The following PIAS3 variants were observed in gnomAD, a reference collection of about 807,000 sequenced individuals.
PIAS3 encodes the protein E3 SUMO-protein ligase PIAS3.
PIAS3 carries 34 observed loss-of-function variants against 67.6 expected under a neutral mutation model. That is an observed-to-expected ratio of 0.50 (90% CI 0.38 to 0.67). PIAS3 has a LOEUF of 0.67. Among genes scored for constraint, PIAS3 ranks in the 30% least tolerant of loss-of-function variants. The probability of loss-of-function intolerance (pLI) is 0.00; values close to 1 mark genes in which losing one functional copy is unlikely to be tolerated. For missense variants in PIAS3, 693 were observed against 791.6 expected (o/e 0.88, Z 1.49); for synonymous variants, 341 against 313.8 (o/e 1.09, Z -0.92).
chr1:145,855,910 T>C, intron 4 of PIAS3, 84 bp from the exon 5 acceptor site: 1 of 1,097,316 alleles, frequency 9.1e-7, no homozygotes, highest in South Asian at 1.2e-5. Flanking sequence ...CCCCAGAAAA[T>C]CAGTCATAGA....
Position 145,851,422 on chromosome 1 carries a change from C to T in PIAS3, c.1146-269G>A, listed in dbSNP as rs111732776. 2,132 of 355,962 alleles carry T rather than the reference C, an allele frequency of 6.0e-3. 40 individuals are homozygous for T. The highest frequency in any genetic ancestry group is 0.033 in the South Asian group (869 of 26,088). The allele number at this position is 355,962 out of a possible 1,614,324, so 22.1% of individuals were successfully genotyped here. ...TTTAATCCCAGCACTTTGGGAGGTA[C>T]AGGCAGGTGAATCACTTGAGGCTGG... On this transcript the variant is annotated intron_variant, in intron 9 of 13. Coordinates refer to ENST00000393045, the MANE Select transcript of PIAS3 (RefSeq NM_006099.3).
chr1:145,854,356 G>GT (rs1278876953), intron 7 of PIAS3, 102 bp downstream of exon 7: 8 of 782,314 alleles, frequency 1.0e-5, no homozygotes, highest in Non-Finnish European at 1.5e-5. Flanking sequence ...GAGAAGGGGA[G>GT]TAAGTTGTCA....
At chr1:145,857,562 T>C (rs910894715) in intron 1 of PIAS3, 13 of 156,390 alleles carry the variant, frequency 8.3e-5, no homozygotes, top group African/African-American at 3.1e-4. Flanking sequence ...ACCTCAGCTA[T>C]TTCCCCCAAG....
At chr1:145,852,692 G>T (rs782507602) in intron 9 of PIAS3, among the ~76,000 whole-genome samples, 4 of 152,172 alleles carry the variant, frequency 2.6e-5, no homozygotes, top group Non-Finnish European at 4.4e-5. Flanking sequence ...CTGGGTTCAA[G>T]CCATCCTCCT....
rs1653217484 is a variant in PIAS3 at position 145,857,026 on chromosome 1, A to C, written c.25-20T>G. On this transcript the variant is annotated intron_variant, in intron 1 of 13. Transcript: ENST00000393045. ...CATGTGCTGTGGAGAAAAACAGAGAAGCTTGAGCATCCTCCCTTGCACAGG... is the reference window on the plus strand; with the variant it reads ...CATGTGCTGTGGAGAAAAACAGAGACGCTTGAGCATCCTCCCTTGCACAGG... The C allele has an allele frequency of 6.2e-7, 1 of 1,609,890 alleles. No individual in the cohort carries two copies. Among genetic ancestry groups the C allele is most frequent in the African/African-American group, 1.3e-5 (1 of 74,704 alleles).
At position 145,848,534 on chromosome 1, in the gene PIAS3, C is replaced by T. The variant is rs2101674761; in HGVS notation, c.*912G>A. Reference sequence around the variant, plus strand: ...CATGACACTCACAGAACATTCACAACCTTTATTATGGGTGAGAGCTTCACT... The same window carrying T: ...CATGACACTCACAGAACATTCACAATCTTTATTATGGGTGAGAGCTTCACT... On this transcript the variant is annotated 3_prime_UTR_variant, in exon 14 of 14. Transcript: ENST00000393045. The T allele has an allele frequency of 1.7e-6, 2 of 1,190,450 alleles. No individual in the cohort carries two copies. The highest frequency in any genetic ancestry group is 1.2e-6 in the Non-Finnish European group (1 of 809,924). 73.7% of individuals were successfully genotyped at this position (1,190,450 alleles called of 1,614,324 possible).
At chr1:145,856,542 G>A (rs1031951381) in intron 2 of PIAS3, 47 bp downstream of exon 2, 1 of 1,590,754 alleles carries the variant, frequency 6.3e-7, no homozygotes, top group African/African-American at 1.3e-5. Flanking sequence ...AATGTTTGGG[G>A]AACAGGTAGG....
chr1:145,851,229 T>G (rs1652951015), intron 9 of PIAS3, 76 bp from the exon 10 acceptor site: 1 of 1,428,106 alleles, frequency 7.0e-7, no homozygotes, highest in East Asian at 2.3e-5. Flanking sequence ...GTAACTCACC[T>G]TCCTGTATCT....
At chr1:145,856,250 G>A (rs1388336340) in intron 3 of PIAS3, 97 bp downstream of exon 3, 1 of 1,228,286 alleles carries the variant, frequency 8.1e-7, no homozygotes, top group Non-Finnish European at 1.2e-6. Flanking sequence ...GAGACAAGTA[G>A]GTATAGGAGG....
At chr1:145,852,865 A>C (rs1400897594) in intron 9 of PIAS3, among the ~76,000 whole-genome samples, 1 of 152,090 alleles carries the variant, frequency 6.6e-6, no homozygotes, top group Non-Finnish European at 1.5e-5. Context: ...CAGTGTTGGA[A>C]TTACAGGTAG....
Position 145,856,847 on chromosome 1 carries a change from G to A in PIAS3, c.184C>T (p.Arg62Ter), listed in dbSNP as rs2101686051. The stretch of plus-strand genomic sequence containing the variant: ...AGGGTCTTCCGGGGAAAGCGTCGTC[G>A]GTAAAGCTCTTTGATCTTCATCTGG... ...SVQMKIKELYRRRFPRKTLGP... is the reference protein window; with the variant it reads ...SVQMKIKELY Residue 62 changes from arginine to a stop codon, truncating the protein, a stop_gained, in exon 2 of 14, where the codon CGA becomes TGA. Coordinates refer to ENST00000393045, the MANE Select transcript of PIAS3 (RefSeq NM_006099.3). LOFTEE classifies it high-confidence loss of function. 7 of 1,614,104 alleles carry A rather than the reference G, an allele frequency of 4.3e-6. No homozygotes were observed. Among genetic ancestry groups the A allele is most frequent in the East Asian group, 4.5e-5 (2 of 44,890 alleles).
At chr1:145,849,903 GCTC>G in intron 13 of PIAS3, 191 bp from the exon 14 acceptor site, 2 of 1,442,994 alleles carry the variant, frequency 1.4e-6, no homozygotes, top group South Asian at 3.1e-5. Context: ...CCTTGAGAGA[GCTC>G]CTCCAACTTG....
Position 145,849,136 on chromosome 1 carries a change from T to C in PIAS3, c.*310A>G. On this transcript the variant is annotated 3_prime_UTR_variant, in exon 14 of 14. Coordinates refer to ENST00000393045, the MANE Select transcript of PIAS3 (RefSeq NM_006099.3). ...TCTAGACATAGTCAAGGCTGAGGGT[T>C]CAGCCCTTCTCCTAGCTCACATACC... 1 of 240,002 alleles carries C rather than the reference T, an allele frequency of 4.2e-6. No individual in the cohort carries two copies. Among genetic ancestry groups the C allele is most frequent in the African/African-American group, 2.2e-5 (1 of 44,840 alleles). 14.9% of individuals were successfully genotyped at this position (240,002 alleles called of 1,614,324 possible).
chr1:145,854,961 G>C (rs138485468), intron 5 of PIAS3, 81 bp from the exon 6 acceptor site: 9 of 1,537,716 alleles, frequency 5.9e-6, no homozygotes, highest in Non-Finnish European at 8.0e-6. Context: ...ATCTTGTCTC[G>C]GGTTATTCAA....
Position 145,854,782 on chromosome 1 carries a change from GT to G in PIAS3, c.767del (p.Asn256ThrfsTer22). On this transcript the variant is annotated frameshift_variant, in exon 6 of 14. Coordinates refer to ENST00000393045, the MANE Select transcript of PIAS3 (RefSeq NM_006099.3). LOFTEE classifies it high-confidence loss of function. Reference protein sequence around the residue: ...PLARLSATVPNTIVVNWSSEF... With the variant: ...PLARLSATVPXTIVVNWSSEF... ...CAGATGACCAATTGACCACAATGGT[GT>G]TGGGAACAGTGGCTGAGAGTCGAGC... 1.2e-6 allele frequency: 2 copies of G among 1,614,220 alleles called. No individual in the cohort carries two copies. Among genetic ancestry groups the G allele is most frequent in the Non-Finnish European group, 1.7e-6 (2 of 1,180,042 alleles).
At position 145,856,841 on chromosome 1, in the gene PIAS3, G is replaced by A. The variant is rs754269109; in HGVS notation, c.190C>T (p.Arg64Cys). 3.7e-5 allele frequency: 60 copies of A among 1,614,034 alleles called. No homozygotes were observed. In the Middle Eastern group the frequency reaches 4.9e-4, roughly 13 times the overall value. The change falls in exon 2 of 14, where the codon CGC becomes TGC. Residue 64 changes from arginine to cysteine, a missense_variant. This residue lies in a region of PIAS3 where 308 missense variants were observed against 348.8 expected (regional missense o/e 0.88). Coordinates refer to ENST00000393045, the MANE Select transcript of PIAS3 (RefSeq NM_006099.3). ...GGCCCCAGGGTCTTCCGGGGAAAGC[G>A]TCGTCGGTAAAGCTCTTTGATCTTC... Reference protein sequence around the residue: ...QMKIKELYRRRFPRKTLGPSD... With the variant: ...QMKIKELYRRCFPRKTLGPSD...
chr1:145,853,697 C>T, intron 8 of PIAS3, 33 bp from the exon 9 acceptor site: 1 of 1,611,128 alleles, frequency 6.2e-7, no homozygotes, highest in Non-Finnish European at 8.5e-7. Flanking sequence ...GTCAGAGGCC[C>T]TACTCTGATT....
Position 145,856,384 on chromosome 1 carries a change from G to A in PIAS3, c.490C>T (p.Leu164Phe), listed in dbSNP as rs1287620267. The A allele has an allele frequency of 6.2e-7, 1 of 1,613,962 alleles. No homozygotes were observed. The highest frequency in any genetic ancestry group is 1.3e-5 in the African/African-American group (1 of 74,886). Residue 164 changes from leucine to phenylalanine, a missense_variant, in exon 3 of 14, where the codon CTC (leucine) becomes TTC (phenylalanine). Leu to Phe is a conservative substitution (Grantham distance 22). Coordinates refer to ENST00000393045, the MANE Select transcript of PIAS3 (RefSeq NM_006099.3). The stretch of plus-strand genomic sequence containing the variant: ...ATCTGCTGCACTTGCTGGGGTGTGA[G>A]GGCAAAGGTAAAGTGCGCTTCCTCA... ...RFEEAHFTFA[L>F]TPQQVQQILT...
At chr1:145,852,741 CT>C (rs782374838) in intron 9 of PIAS3, among the ~76,000 whole-genome samples, 24 of 151,958 alleles carry the variant, frequency 1.6e-4, no homozygotes, top group Non-Finnish European at 3.1e-4. Flanking sequence ...CAGTCATGAG[CT>C]ATTATAACAT....
Sources: gnomAD v4.1 joint callset for allele counts (sites outside exome capture counted in the v4.1 genomes callset) on GRCh38, gnomAD v4.1.1 for gene constraint, gnomAD v4.1.1 regional missense constraint, MANE v1.5 for transcripts, NCBI Gene and HGNC (gene_info 2026-07-23, HGNC 2026-07-21) for gene names.